The following PLCE1 variants were observed in gnomAD, a reference collection of about 807,000 sequenced individuals.
The protein encoded by PLCE1 is 1-phosphatidylinositol 4,5-bisphosphate phosphodiesterase epsilon-1.
A neutral mutation model predicts 242.8 loss-of-function variants in PLCE1; 119 were observed. That is an observed-to-expected ratio of 0.49 (90% CI 0.42 to 0.57). The LOEUF (loss-of-function observed/expected upper bound fraction) is 0.57. Ranked by LOEUF, PLCE1 falls within the 20% of genes least tolerant of loss-of-function variation. The pLI, the probability that PLCE1 is intolerant of heterozygous loss-of-function variation, is 0.00. For missense variants in PLCE1, 2,441 were observed against 2,788.8 expected, an observed-to-expected ratio of 0.88 and a Z score of 2.81; for synonymous variants, 945 against 1,017.4, an observed-to-expected ratio of 0.93 and a Z score of 1.35.
intron 3 of PLCE1, among the ~76,000 whole-genome samples, chr10:94,154,602 CA>C (rs2136145900): frequency 6.6e-6 from 1 of 152,102 alleles, no homozygotes; most frequent in East Asian, 1.9e-4. Context: ...AACTAAAATT[CA>C]ACAACAGAGA....
intron 1 of PLCE1, among the ~76,000 whole-genome samples, chr10:94,013,542 A>G (rs895235966): frequency 1.3e-5 from 2 of 152,208 alleles, no homozygotes; most frequent in African/African-American, 4.8e-5. Context: ...AGGCTGATTC[A>G]TTTATTTATT....
rs1488145722 is a variant in PLCE1 at position 94,050,377 on chromosome 10, T to A, written c.1206+18125T>A. On this transcript the variant is annotated intron_variant, in intron 2 of 32. Coordinates refer to ENST00000371380, the MANE Select transcript of PLCE1 (RefSeq NM_016341.4). ...AGATCTTATGAGAACTTATTCACTA[T>A]CATGAGAACAGCATGGGGGAAACTT... Among the ~76,000 whole-genome samples, 3 of 152,216 alleles carry A rather than the reference T, an allele frequency of 2.0e-5. No individual in the cohort carries two copies. The East Asian group carries it at 5.8e-4, about 29-fold the overall frequency.
At chr10:94,005,239 C>G (rs1459347745) in intron 1 of PLCE1, among the ~76,000 whole-genome samples, 1 of 152,198 alleles carries the variant, frequency 6.6e-6, no homozygotes, top group Admixed American at 6.5e-5. Flanking sequence ...GTGACCAGTT[C>G]TATTCAGTGG....
intron 22 of PLCE1, among the ~76,000 whole-genome samples, chr10:94,292,464 C>T (rs1406211601): frequency 2.0e-5 from 3 of 152,156 alleles, no homozygotes; most frequent in African/African-American, 7.2e-5. Flanking sequence ...ATCTGAAACA[C>T]TTTCATGTCC....
chr10:94,136,993 C>A (rs187188441), intron 3 of PLCE1, among the ~76,000 whole-genome samples: 167 of 152,286 alleles, frequency 1.1e-3, no homozygotes, highest in Non-Finnish European at 1.3e-4. Flanking sequence ...GAGATCAAGA[C>A]CATCCTGGCT....
intron 1 of PLCE1, among the ~76,000 whole-genome samples, chr10:94,023,591 C>T (rs147250683): frequency 3.6e-3 from 552 of 152,238 alleles, no homozygotes; most frequent in African/African-American, 0.01. Context: ...ATGATTTGCA[C>T]GCTGATTAGA....
At chr10:94,224,706 G>T (rs922551366) in intron 4 of PLCE1, among the ~76,000 whole-genome samples, 6 of 152,220 alleles carry the variant, frequency 3.9e-5, no homozygotes, top group African/African-American at 1.4e-4. Flanking sequence ...CTCATCAAAA[G>T]CCAGTCAGAC....
chr10:94,246,745 GCTTTTA>G, intron 8 of PLCE1, 124 bp downstream of exon 8: 1 of 835,566 alleles, frequency 1.2e-6, no homozygotes, highest in Non-Finnish European at 1.9e-6. Context: ...ACCTTGGGCA[GCTTTTA>G]CTTAACCTCT....
At chr10:94,091,966 A>G (rs1198943653) in intron 2 of PLCE1, among the ~76,000 whole-genome samples, 3 of 152,108 alleles carry the variant, frequency 2.0e-5, no homozygotes, top group Non-Finnish European at 4.4e-5. Context: ...TGTGCTAATG[A>G]TTTTATAGCA....
intron 2 of PLCE1, among the ~76,000 whole-genome samples, chr10:94,069,369 G>A (rs1271070350): frequency 6.6e-6 from 1 of 152,192 alleles, no homozygotes; most frequent in East Asian, 1.9e-4. Flanking sequence ...AGAGGCTGAA[G>A]CAGGCAGATC....
At chr10:94,112,258 G>T (rs1356646985) in intron 2 of PLCE1, among the ~76,000 whole-genome samples, 1 of 152,120 alleles carries the variant, frequency 6.6e-6, no homozygotes, top group Non-Finnish European at 1.5e-5. Flanking sequence ...GATTCAGATT[G>T]AATATTAAAT....
chr10:94,066,317 A>C (rs534640427), intron 2 of PLCE1, among the ~76,000 whole-genome samples: 84 of 152,338 alleles, frequency 5.5e-4, no homozygotes, highest in African/African-American at 1.9e-3. Flanking sequence ...AATGCTTGGC[A>C]CATAGATAGC....
intron 2 of PLCE1, among the ~76,000 whole-genome samples, chr10:94,076,393 C>T (rs1295207129): frequency 6.6e-6 from 1 of 152,096 alleles, no homozygotes; most frequent in Non-Finnish European, 1.5e-5. Context: ...ACATTACTGT[C>T]AGGTGATTTC....
At chr10:94,165,076 G>A (rs559270757) in intron 3 of PLCE1, among the ~76,000 whole-genome samples, 10 of 152,338 alleles carry the variant, frequency 6.6e-5, no homozygotes, top group Non-Finnish European at 1.2e-4. Context: ...TAGGCTACTC[G>A]GGGGTCAGGG....
intron 14 of PLCE1, among the ~76,000 whole-genome samples, chr10:94,263,442 A>T (rs1403471096): frequency 6.6e-6 from 1 of 150,998 alleles, no homozygotes; most frequent in Admixed American, 6.6e-5. Context: ...GGAACACGGG[A>T]GGCAGAGACT....
chr10:94,268,079 G>A (rs930418167), intron 16 of PLCE1, among the ~76,000 whole-genome samples: 3 of 152,198 alleles, frequency 2.0e-5, no homozygotes, highest in African/African-American at 2.4e-5. Flanking sequence ...ATGATGTACA[G>A]ATCTATGGAG....
intron 3 of PLCE1, among the ~76,000 whole-genome samples, chr10:94,167,979 G>A (rs188050645): frequency 3.9e-5 from 6 of 152,142 alleles, no homozygotes; most frequent in African/African-American, 1.2e-4. Flanking sequence ...GAGCCACTGC[G>A]CCCGACCTAG....
At chr10:94,090,461 C>T (rs1258365409) in intron 2 of PLCE1, among the ~76,000 whole-genome samples, 4 of 152,066 alleles carry the variant, frequency 2.6e-5, no homozygotes, top group African/African-American at 4.8e-5. Context: ...AAATTGTGTC[C>T]GTGTCCTGAC....
Position 94,328,829 on chromosome 10 carries a change from G to C in PLCE1, c.*886G>C, listed in dbSNP as rs1052566789. 3 of 152,032 alleles carry C rather than the reference G, an allele frequency of 2.0e-5. No individual in the cohort carries two copies. The highest frequency in any genetic ancestry group is 4.4e-5 in the Non-Finnish European group (3 of 67,996). 9.4% of individuals were successfully genotyped at this position (152,032 alleles called of 1,614,324 possible). On this transcript the variant is annotated 3_prime_UTR_variant, in exon 33 of 33. Transcript: ENST00000371380. ...AGTTAATAGGGTTGCTTTAAAAAAG[G>C]TTATTGCTTAATCATAGATTAGATT...
Sources: gnomAD v4.1 joint callset for allele counts (sites outside exome capture counted in the v4.1 genomes callset) on GRCh38, gnomAD v4.1.1 for gene constraint, MANE v1.5 for transcripts, NCBI Gene and HGNC (gene_info 2026-07-23, HGNC 2026-07-21) for gene names.